Variants in SLC4A7 observed in about 807,000 individuals in gnomAD.
SLC4A7 encodes the protein sodium bicarbonate cotransporter 3.
Under a neutral mutation model 137.6 loss-of-function variants are expected in SLC4A7, and 51 were observed. The observed-to-expected ratio is 0.37, with a 90% CI of 0.30 to 0.47. The LOEUF (loss-of-function observed/expected upper bound fraction) is 0.47. Ranked by LOEUF, SLC4A7 falls within the 20% of genes least tolerant of loss-of-function variation. The probability of loss-of-function intolerance (pLI) is 1.00; values close to 1 mark genes in which losing one functional copy is unlikely to be tolerated. For missense variants in SLC4A7, 1,247 were observed against 1,525.4 expected, an observed-to-expected ratio of 0.82 and a Z score of 3.04; for synonymous variants, 542 against 518.6, an observed-to-expected ratio of 1.05 and a Z score of -0.61.
intron 1 of SLC4A7, among the ~76,000 whole-genome samples, chr3:27,478,795 C>T (rs2150748720): frequency 6.8e-6 from 1 of 147,796 alleles, no homozygotes; most frequent in South Asian, 2.1e-4. Flanking sequence ...CAAGACCAGC[C>T]TGGCCAACAT....
intron 1 of SLC4A7, among the ~76,000 whole-genome samples, chr3:27,460,040 T>C (rs2058614713): frequency 6.8e-6 from 1 of 147,490 alleles, no homozygotes; most frequent in Admixed American, 6.8e-5. Context: ...TATATATAAT[T>C]TTTTTTTTTC....
At chr3:27,429,470 G>A (rs975392101) in intron 7 of SLC4A7, among the ~76,000 whole-genome samples, 4 of 152,114 alleles carry the variant, frequency 2.6e-5, no homozygotes, top group Non-Finnish European at 5.9e-5. Flanking sequence ...GTCTGTATAT[G>A]ATTCCAGGCA....
chr3:27,403,422 G>A, intron 14 of SLC4A7, 38 bp from the exon 15 acceptor site: 2 of 1,452,718 alleles, frequency 1.4e-6, no homozygotes, highest in Non-Finnish European at 1.9e-6. Context: ...ATAAACATAT[G>A]TGGAATAGTA....
intron 1 of SLC4A7, among the ~76,000 whole-genome samples, chr3:27,471,313 G>C (rs913079101): frequency 3.9e-5 from 6 of 152,178 alleles, no homozygotes; most frequent in African/African-American, 9.7e-5. Context: ...TATCCTTCCT[G>C]AATTTTATTT....
chr3:27,401,574 G>A (rs549188130), intron 15 of SLC4A7, among the ~76,000 whole-genome samples: 1 of 152,254 alleles, frequency 6.6e-6, no homozygotes, highest in African/African-American at 2.4e-5. Flanking sequence ...CCATCCAGGC[G>A]CTTTTAGTAG....
intron 11 of SLC4A7, among the ~76,000 whole-genome samples, chr3:27,411,997 T>C (rs1012492189): frequency 2.6e-5 from 4 of 152,174 alleles, no homozygotes; most frequent in African/African-American, 4.8e-5. Flanking sequence ...TAATTATCAA[T>C]ATACTATAAA....
chr3:27,418,126 T>A (rs1162461051), intron 11 of SLC4A7, among the ~76,000 whole-genome samples: 1 of 152,134 alleles, frequency 6.6e-6, no homozygotes, highest in African/African-American at 2.4e-5. Context: ...ATGCATAGAA[T>A]ACAACAAAGC....
rs542315450 is a variant in SLC4A7 at position 27,373,470 on chromosome 3, CATAA to C, written c.*3290_*3293del. ...CATACGATAAAAATGATGTGATCTA[CATAA>C]ATAAATTTAAAACATTAAGTTATTT... On this transcript the variant is annotated 3_prime_UTR_variant, in exon 26 of 26. Coordinates refer to ENST00000454389, the MANE Select transcript of SLC4A7 (RefSeq NM_001321103.2). 24 of 152,204 alleles carry C rather than the reference CATAA, an allele frequency of 1.6e-4. No homozygotes were observed. The highest frequency in any genetic ancestry group is 1.2e-3 in the East Asian group (6 of 5,190). The allele number at this position is 152,204 out of a possible 1,614,324, so 9.4% of individuals were successfully genotyped here.
chr3:27,474,562 T>G (rs2059388396), intron 1 of SLC4A7, among the ~76,000 whole-genome samples: 1 of 150,934 alleles, frequency 6.6e-6, no homozygotes, highest in South Asian at 2.1e-4. Context: ...ATACAAAAAA[T>G]TAGCCTGGCA....
At chr3:27,420,467 T>G (rs2054853483) in intron 10 of SLC4A7, among the ~76,000 whole-genome samples, 1 of 151,930 alleles carries the variant, frequency 6.6e-6, no homozygotes, top group Non-Finnish European at 1.5e-5. Context: ...TAGTCAATAA[T>G]TACAAATGTT....
intron 23 of SLC4A7, among the ~76,000 whole-genome samples, chr3:27,384,549 T>C (rs2050744636): frequency 6.6e-6 from 1 of 152,228 alleles, no homozygotes; most frequent in African/African-American, 2.4e-5. Flanking sequence ...AAGGCCACTT[T>C]TACTTTTGTT....
At chr3:27,436,637 A>AT in intron 4 of SLC4A7, 89 bp from the exon 5 acceptor site, 1 of 848,266 alleles carries the variant, frequency 1.2e-6, no homozygotes, top group Non-Finnish European at 1.7e-6. Flanking sequence ...TGTTCTTTAA[A>AT]GAAAAAAAAA....
chr3:27,467,761 T>G (rs2059070246), intron 1 of SLC4A7, among the ~76,000 whole-genome samples: 1 of 152,212 alleles, frequency 6.6e-6, no homozygotes, highest in African/African-American at 2.4e-5. Context: ...GATCACCATC[T>G]AGTGGTTATG....
At chr3:27,420,895 G>A (rs1037701199) in intron 9 of SLC4A7, 108 bp from the exon 10 acceptor site, 3 of 705,562 alleles carry the variant, frequency 4.3e-6, no homozygotes, top group Non-Finnish European at 7.0e-6. Flanking sequence ...ACAACACTCA[G>A]ACATCTTTTC....
At chr3:27,391,938 C>A (rs1172871064) in intron 20 of SLC4A7, 130 bp from the exon 21 acceptor site, 1 of 527,478 alleles carries the variant, frequency 1.9e-6, no homozygotes, top group Admixed American at 3.8e-5. Context: ...AACATTTCCA[C>A]ACATAAGAAA....
chr3:27,438,527 C>CAAAATAAAAT (rs141000029), intron 3 of SLC4A7, among the ~76,000 whole-genome samples: 5 of 149,388 alleles, frequency 3.3e-5, no homozygotes, highest in Admixed American at 2.0e-4. Flanking sequence ...TAAAATAACA[C>CAAAATAAAAT]AAAATAAAAT....
At position 27,376,624 on chromosome 3, in the gene SLC4A7, TACAA is replaced by T. The variant is rs1286118725; in HGVS notation, c.*136_*139del. The T allele has an allele frequency of 4.0e-6, 2 of 501,314 alleles. No individual in the cohort carries two copies. Among genetic ancestry groups the T allele is most frequent in the Non-Finnish European group, 7.2e-6 (2 of 277,634 alleles). 31.1% of individuals were successfully genotyped at this position (501,314 alleles called of 1,614,324 possible). A position where few individuals can be genotyped will look rare whatever the true frequency, so the allele number is the denominator to read the frequency against. On this transcript the variant is annotated 3_prime_UTR_variant, in exon 26 of 26. Transcript: ENST00000454389. ...AATACATAGTCTCCACGGTGCTCAT[TACAA>T]ACTCCAGACACTACTTTTAAAAACC...
intron 22 of SLC4A7, among the ~76,000 whole-genome samples, chr3:27,389,631 T>G (rs1268379684): frequency 6.6e-6 from 1 of 152,190 alleles, no homozygotes; most frequent in Non-Finnish European, 1.5e-5. Flanking sequence ...TTCCTTTGCT[T>G]TTACATTTGA....
At position 27,442,027 on chromosome 3, in the gene SLC4A7, C is replaced by T. The variant is rs554773156; in HGVS notation, c.290-4501G>A. On this transcript the variant is annotated intron_variant, in intron 3 of 25. Transcript: ENST00000454389. Reference sequence around the variant, plus strand: ...TCAGCCTCCTGAATAGCTGGTGGCACGTGCCACCACACCTGGCTAATTATT... The same window carrying T: ...TCAGCCTCCTGAATAGCTGGTGGCATGTGCCACCACACCTGGCTAATTATT... 6.6e-5 allele frequency among the ~76,000 whole-genome samples: 10 copies of T among 151,960 alleles called. No individual in the cohort carries two copies. The South Asian group carries it at 1.9e-3, about 28-fold the overall frequency.
Sources: gnomAD v4.1 joint callset for allele counts (sites outside exome capture counted in the v4.1 genomes callset) on GRCh38, gnomAD v4.1.1 for gene constraint, MANE v1.5 for transcripts, NCBI Gene and HGNC (gene_info 2026-07-23, HGNC 2026-07-21) for gene names.